UBE2E2: variants seen among roughly 807,000 people sequenced by gnomAD.
UBE2E2 encodes the protein ubiquitin conjugating enzyme E2 E2.
Under a neutral mutation model 24.7 loss-of-function variants are expected in UBE2E2, and 6 were observed. The ratio of observed to expected loss-of-function variants is 0.24; its 90% CI spans 0.13 to 0.48. UBE2E2 has a LOEUF of 0.48. Ranked by LOEUF, UBE2E2 falls within the 20% of genes least tolerant of loss-of-function variation. The probability of loss-of-function intolerance (pLI) is 0.99; values close to 1 mark genes in which losing one functional copy is unlikely to be tolerated. For synonymous variants in UBE2E2, 104 were observed against 83.6 expected (o/e 1.24, Z -1.33); for missense variants, 169 against 245.0 (o/e 0.69, Z 2.07).
intron 5 of UBE2E2, among the ~76,000 whole-genome samples, chr3:23,550,180 T>A (rs187630562): frequency 6.6e-6 from 1 of 152,308 alleles, no homozygotes; most frequent in Admixed American, 6.5e-5. Context: ...CAAACTTGAT[T>A]TAATGATTTT....
intron 3 of UBE2E2, among the ~76,000 whole-genome samples, chr3:23,279,508 A>G (rs576405837): frequency 6.6e-6 from 1 of 152,304 alleles, no homozygotes; most frequent in African/African-American, 2.4e-5. Flanking sequence ...CATACATTCT[A>G]TATTCACTTT....
At chr3:23,579,631 G>A (rs1357695551) in intron 5 of UBE2E2, among the ~76,000 whole-genome samples, 5 of 149,026 alleles carry the variant, frequency 3.4e-5, no homozygotes, top group East Asian at 2.1e-4. Flanking sequence ...GCCCAGGATC[G>A]CGAAGTTACA....
At chr3:23,506,702 C>T (rs1046689599) in intron 4 of UBE2E2, among the ~76,000 whole-genome samples, 3 of 152,046 alleles carry the variant, frequency 2.0e-5, no homozygotes, top group African/African-American at 7.3e-5. Flanking sequence ...GGTGTGATCT[C>T]AGCTCACTGC....
In UBE2E2 at chr3:23,349,670, G is replaced by A. The variant is rs188002204; in HGVS notation, c.227+132358G>A. On this transcript the variant is annotated intron_variant, in intron 3 of 5. Transcript: ENST00000396703. ...TGAGATCAAACTGCGAGGCAGCAGC[G>A]AGGCTAGGGGAGGGGCGCCCGCCAT... is the stretch of plus-strand genomic sequence containing the variant. Among the ~76,000 whole-genome samples the A allele has an allele frequency of 1.8e-3, 270 of 152,354 alleles. 2 individuals carry two copies. The highest frequency in any genetic ancestry group is 6.0e-3 in the African/African-American group (249 of 41,586).
At chr3:23,412,713 T>C (rs1475096286) in intron 3 of UBE2E2, among the ~76,000 whole-genome samples, 4 of 152,196 alleles carry the variant, frequency 2.6e-5, no homozygotes, top group Admixed American at 6.5e-5. Context: ...CAACATACTT[T>C]AGTGCAGTGG....
At chr3:23,265,656 T>G (rs1194941968) in intron 3 of UBE2E2, among the ~76,000 whole-genome samples, 2 of 152,126 alleles carry the variant, frequency 1.3e-5, no homozygotes, top group South Asian at 4.2e-4. Context: ...GAACCATTGG[T>G]AAGGATTTCT....
chr3:23,371,631 C>T (rs190454308), intron 3 of UBE2E2, among the ~76,000 whole-genome samples: 97 of 152,202 alleles, frequency 6.4e-4, no homozygotes, highest in Middle Eastern at 3.4e-3. Context: ...GGGAGGGAGA[C>T]TCACTAAGCC....
At chr3:23,390,419 C>T (rs1389885686) in intron 3 of UBE2E2, among the ~76,000 whole-genome samples, 1 of 152,170 alleles carries the variant, frequency 6.6e-6, no homozygotes, top group Non-Finnish European at 1.5e-5. Context: ...AGGGAAGGAT[C>T]ACCTTCTTCC....
At chr3:23,418,955 ACT>A (rs1697722687) in intron 3 of UBE2E2, among the ~76,000 whole-genome samples, 1 of 112,396 alleles carries the variant, frequency 8.9e-6, no homozygotes, top group African/African-American at 3.9e-5. Flanking sequence ...CACAAATGTT[ACT>A]TTTTTTTTTT....
intron 5 of UBE2E2, among the ~76,000 whole-genome samples, chr3:23,580,672 A>T (rs1696455766): frequency 6.6e-6 from 1 of 152,196 alleles, no homozygotes; most frequent in Admixed American, 6.5e-5. Flanking sequence ...CAAATCAGAG[A>T]TGGGACACAT....
chr3:23,328,872 A>T (rs1575563988), intron 3 of UBE2E2, among the ~76,000 whole-genome samples: 2 of 152,002 alleles, frequency 1.3e-5, no homozygotes, highest in African/African-American at 4.8e-5. Flanking sequence ...ATGTTGGCCA[A>T]GCTGGTCTCG....
chr3:23,206,871 A>T (rs1423938884), intron 1 of UBE2E2, among the ~76,000 whole-genome samples: 1 of 152,134 alleles, frequency 6.6e-6, no homozygotes. Context: ...AGGTATCTTT[A>T]CCTGTTCTTA....
intron 5 of UBE2E2, among the ~76,000 whole-genome samples, chr3:23,587,846 A>C (rs1383266855): frequency 2.0e-5 from 3 of 152,238 alleles, no homozygotes; most frequent in Admixed American, 1.3e-4. Flanking sequence ...GAAGAATCAC[A>C]AAGAGTAGGC....
chr3:23,449,643 T>C (rs1410431329), intron 3 of UBE2E2, among the ~76,000 whole-genome samples: 2 of 152,242 alleles, frequency 1.3e-5, no homozygotes, highest in African/African-American at 2.4e-5. Context: ...AAAATTCTTA[T>C]GACAGTTCTG....
chr3:23,216,741 C>G (rs954629674), intron 2 of UBE2E2, among the ~76,000 whole-genome samples: 1 of 151,858 alleles, frequency 6.6e-6, no homozygotes, highest in Non-Finnish European at 1.5e-5. Flanking sequence ...TAGGGTAGTT[C>G]TAGCCGATGA....
intron 3 of UBE2E2, among the ~76,000 whole-genome samples, chr3:23,496,481 T>TC (rs201668231): frequency 0.023 from 3,504 of 152,294 alleles, 60 homozygotes; most frequent in Non-Finnish European, 0.036. Context: ...TATTTATGTG[T>TC]CCCTCAGTAG....
chr3:23,589,445 T>C lies in UBE2E2; in HGVS notation c.509-289T>C, dbSNP rs1028406460. The stretch of plus-strand genomic sequence containing the variant: ...CTCAAAAGAAAAAAAAAAAAACCAA[T>C]ACGAGGGGAGCAAGGTGAGAAGTAT... On this transcript the variant is annotated intron_variant, in intron 5 of 5. Transcript: ENST00000396703. The surrounding 1 kb of genome is among the most constrained non-coding windows in gnomAD (Gnocchi z 4.1). Among the ~76,000 whole-genome samples, 6 of 148,542 alleles carry C rather than the reference T, an allele frequency of 4.0e-5. No homozygotes were observed. The highest frequency in any genetic ancestry group is 1.5e-4 in the African/African-American group (6 of 40,284).
chr3:23,529,526 T>C (rs890463649), intron 4 of UBE2E2, among the ~76,000 whole-genome samples: 1 of 152,218 alleles, frequency 6.6e-6, no homozygotes, highest in African/African-American at 2.4e-5. Context: ...TCAGCACAAT[T>C]GTGTTCAAAT....
At chr3:23,485,091 C>CTTT (rs71620781) in intron 3 of UBE2E2, among the ~76,000 whole-genome samples, 12 of 107,714 alleles carry the variant, frequency 1.1e-4, no homozygotes, top group South Asian at 3.2e-4. Context: ...TTAACACTAC[C>CTTT]TTTTTTTTTT....
Sources: gnomAD v4.1 joint callset for allele counts (sites outside exome capture counted in the v4.1 genomes callset) on GRCh38, gnomAD v4.1.1 for gene constraint, Gnocchi (gnomAD v3.1) non-coding constraint, MANE v1.5 for transcripts, NCBI Gene and HGNC (gene_info 2026-07-23, HGNC 2026-07-21) for gene names.